RAD54L2: variants seen among roughly 807,000 people sequenced by gnomAD.
The protein encoded by RAD54L2 is helicase ARIP4.
RAD54L2 carries 27 observed loss-of-function variants against 138.4 expected under a neutral mutation model. The observed-to-expected ratio is 0.20, with a 90% CI of 0.14 to 0.27. RAD54L2 has a LOEUF of 0.27. Ranked by LOEUF, RAD54L2 falls within the 10% of genes least tolerant of loss-of-function variation. RAD54L2 has a pLI of 1.00. For synonymous variants in RAD54L2, 644 were observed against 723.2 expected (o/e 0.89, Z 1.76); for missense variants, 1,396 against 1,890.2 (o/e 0.74, Z 4.85).
At chr3:51,661,632 C>G (rs541465019) in intron 22 of RAD54L2, among the ~76,000 whole-genome samples, 39 of 152,312 alleles carry the variant, frequency 2.6e-4, no homozygotes, top group African/African-American at 9.1e-4. Context: ...AGCTAGAATG[C>G]TAGAGGGCTA....
At chr3:51,597,817 A>C (rs565523251) in intron 3 of RAD54L2, among the ~76,000 whole-genome samples, 62 of 151,734 alleles carry the variant, frequency 4.1e-4, no homozygotes, top group Admixed American at 2.3e-3. Flanking sequence ...GACAGAATGC[A>C]GTGGTGCTCA....
intron 2 of RAD54L2, among the ~76,000 whole-genome samples, chr3:51,574,949 A>C (rs1479541882): frequency 1.3e-5 from 2 of 152,130 alleles, no homozygotes; most frequent in African/African-American, 4.8e-5. Flanking sequence ...GGTATTGCCT[A>C]GGTTTTCTTC....
intron 2 of RAD54L2, among the ~76,000 whole-genome samples, chr3:51,562,048 C>T (rs919864258): frequency 2.0e-4 from 28 of 143,036 alleles, no homozygotes; most frequent in African/African-American, 5.2e-4. Context: ...TTTTTTTTTT[C>T]CCCCTGAGAC....
intron 2 of RAD54L2, among the ~76,000 whole-genome samples, chr3:51,589,752 G>C (rs1466614102): frequency 6.6e-6 from 1 of 151,402 alleles, no homozygotes; most frequent in Non-Finnish European, 1.5e-5. Context: ...ACAGAGAGTT[G>C]GTGCTCAGGA....
At chr3:51,576,602 C>T (rs1350772794) in intron 2 of RAD54L2, among the ~76,000 whole-genome samples, 1 of 152,036 alleles carries the variant, frequency 6.6e-6, no homozygotes, top group Non-Finnish European at 1.5e-5. Flanking sequence ...GGGAATTTAT[C>T]CATTTTTTCT....
In RAD54L2 at chr3:51,605,420, A is replaced by T. The variant is rs866561223; in HGVS notation, c.139+14861A>T. Among the ~76,000 whole-genome samples, 64 of 148,080 alleles carry T rather than the reference A, an allele frequency of 4.3e-4. No homozygotes were observed. In the Middle Eastern group the frequency reaches 0.011, roughly 25 times the overall value. On this transcript the variant is annotated intron_variant, in intron 3 of 22. Transcript: ENST00000684192. ...TGGCTTTTGATACAATTTAGAATAC[A>T]GAAACAGGATGTATTTGCTTGAATT...
Position 51,662,634 on chromosome 3 carries a change from G to T in RAD54L2, c.3618G>T (p.Pro1206=). ...PSTNAALPGP[P]AQLMDSSAVP... Reference sequence around the variant, plus strand: ...CCAATGCCGCCCTGCCTGGCCCCCCGGCCCAACTTATGGACAGCAGTGCTG... The same window carrying T: ...CCAATGCCGCCCTGCCTGGCCCCCCTGCCCAACTTATGGACAGCAGTGCTG... Residue 1206 remains proline, a synonymous_variant, in exon 23 of 23, where the codon CCG becomes CCT. Transcript: ENST00000684192. This position sits in a 1 kb window ranked among gnomAD's most constrained non-coding sequence, Gnocchi z 4.6. 1 of 1,612,418 alleles carries T rather than the reference G, an allele frequency of 6.2e-7. No homozygotes were observed. The highest frequency in any genetic ancestry group is 2.2e-5 in the East Asian group (1 of 44,862).
At chr3:51,603,117 C>CAT (rs1360608982) in intron 3 of RAD54L2, among the ~76,000 whole-genome samples, 2 of 123,486 alleles carry the variant, frequency 1.6e-5, no homozygotes, top group East Asian at 4.9e-4. Context: ...GCCTAGGCAA[C>CAT]ATAGTGAAGA....
At chr3:51,591,974 T>C (rs901251880) in intron 3 of RAD54L2, among the ~76,000 whole-genome samples, 1 of 151,256 alleles carries the variant, frequency 6.6e-6, no homozygotes, top group Non-Finnish European at 1.5e-5. Flanking sequence ...CTGCGGACTT[T>C]ACTATTATTT....
At chr3:51,630,193 G>A (rs1282445053) in intron 5 of RAD54L2, 79 bp from the exon 6 acceptor site, 10 of 1,078,734 alleles carry the variant, frequency 9.3e-6, no homozygotes, top group Middle Eastern at 2.0e-4. Flanking sequence ...AAAAGAAAAG[G>A]GGTGGTGAAT....
At chr3:51,568,439 T>G (rs1199287525) in intron 2 of RAD54L2, among the ~76,000 whole-genome samples, 1 of 152,214 alleles carries the variant, frequency 6.6e-6, no homozygotes, top group African/African-American at 2.4e-5. Context: ...ACCAGAAGAT[T>G]GTAACTTCAT....
intron 2 of RAD54L2, among the ~76,000 whole-genome samples, chr3:51,577,292 G>A (rs1299724401): frequency 6.6e-6 from 1 of 152,176 alleles, no homozygotes; most frequent in East Asian, 1.9e-4. Flanking sequence ...GAATAAGTGT[G>A]ATGTGGTGCT....
chr3:51,618,294 T>C (rs1461641051), intron 3 of RAD54L2, among the ~76,000 whole-genome samples: 1 of 152,116 alleles, frequency 6.6e-6, no homozygotes, highest in African/African-American at 2.4e-5. Context: ...GATTGTGACT[T>C]GATTTTCCTT....
intron 8 of RAD54L2, 70 bp from the exon 9 acceptor site, chr3:51,633,832 A>T: frequency 6.2e-7 from 1 of 1,603,044 alleles, no homozygotes; most frequent in Non-Finnish European, 8.5e-7. Context: ...ACTGGGCACC[A>T]AAAAGCTTGA....
At chr3:51,659,111 T>TG (rs1382002148) in intron 21 of RAD54L2, among the ~76,000 whole-genome samples, 4 of 143,206 alleles carry the variant, frequency 2.8e-5, no homozygotes, top group Non-Finnish European at 6.1e-5. Flanking sequence ...TTTTTTTTTT[T>TG]TTTTTTTTTT....
rs949642594 is a variant in RAD54L2 at position 51,645,801 on chromosome 3, G to A, written c.2829+38G>A. On this transcript the variant is annotated intron_variant, in intron 18 of 22. Transcript: ENST00000684192. The surrounding 1 kb of genome is among the most constrained non-coding windows in gnomAD (Gnocchi z 6.1). Reference sequence around the variant, plus strand: ...TATGCATGCAATCCCCAGAGTGGCAGTCTCTCTGTCAAAGGAGGCTTGTCT... The same window carrying A: ...TATGCATGCAATCCCCAGAGTGGCAATCTCTCTGTCAAAGGAGGCTTGTCT... 18 of 1,558,986 alleles carry A rather than the reference G, an allele frequency of 1.2e-5. No homozygotes were observed. The highest frequency in any genetic ancestry group is 1.6e-5 in the Non-Finnish European group (18 of 1,152,162).
chr3:51,637,477 C>T lies in RAD54L2; in HGVS notation c.1656C>T (p.His552=). The T allele has an allele frequency of 6.2e-7, 1 of 1,613,280 alleles. No homozygotes were observed. The highest frequency in any genetic ancestry group is 8.5e-7 in the Non-Finnish European group (1 of 1,179,540). Residue 552 remains histidine, a synonymous_variant, in exon 11 of 23, where the codon CAC becomes CAT. Transcript: ENST00000684192. The surrounding 1 kb of genome is among the most constrained non-coding windows in gnomAD (Gnocchi z 5.9). ...RLMRYRSHVL[H]SLLEGFVQRR... ...TGCGGTACCGGAGCCATGTCCTGCA[C>T]AGTCTTCTGGAGGGCTTTGTGCAGA...
At chr3:51,558,452 G>C (rs1699023115) in intron 2 of RAD54L2, among the ~76,000 whole-genome samples, 1 of 108,764 alleles carries the variant, frequency 9.2e-6, no homozygotes, top group Non-Finnish European at 1.8e-5. Context: ...CTCCTTTGAA[G>C]GTCCACTTCT....
chr3:51,541,412 A>C (rs1698544858), intron 1 of RAD54L2, 177 bp from the exon 2 acceptor site: 1 of 152,160 alleles, frequency 6.6e-6, no homozygotes, highest in African/African-American at 2.4e-5. Context: ...AATTTTAAGT[A>C]CTCCTGTAGA....
Sources: gnomAD v4.1 joint callset for allele counts (sites outside exome capture counted in the v4.1 genomes callset) on GRCh38, gnomAD v4.1.1 for gene constraint, Gnocchi (gnomAD v3.1) non-coding constraint, MANE v1.5 for transcripts, NCBI Gene and HGNC (gene_info 2026-07-23, HGNC 2026-07-21) for gene names.